The following SPECC1L variants were observed in gnomAD, a reference collection of about 807,000 sequenced individuals.
The protein encoded by SPECC1L is sperm antigen with calponin homology and coiled-coil domains 1 like, also known as cytospin-A.
Under a neutral mutation model 116.8 loss-of-function variants are expected in SPECC1L, and 40 were observed. That is an observed-to-expected ratio of 0.34 (90% CI 0.27 to 0.45). The LOEUF (loss-of-function observed/expected upper bound fraction) is 0.45. Among genes scored for constraint, SPECC1L ranks in the 20% least tolerant of loss-of-function variants. The pLI, the probability that SPECC1L is intolerant of heterozygous loss-of-function variation, is 1.00. For synonymous variants in SPECC1L, 504 were observed against 500.6 expected (o/e 1.01, Z -0.09); for missense variants, 1,110 against 1,373.6 (o/e 0.81, Z 3.03).
In SPECC1L at chr22:24,414,629, C is replaced by A; in HGVS notation, c.*6C>A. On this transcript the variant is annotated 3_prime_UTR_variant, in exon 17 of 17. Transcript: ENST00000314328. ...ACAAGTACTTTGAGACCTGAGCATG[C>A]CGGGAGGAGCCGCCCCAATAGCGGG... The A allele has an allele frequency of 6.2e-7, 1 of 1,613,004 alleles. No individual in the cohort carries two copies. Among genetic ancestry groups the A allele is most frequent in the Non-Finnish European group, 8.5e-7 (1 of 1,179,452 alleles).
At chr22:24,360,204 G>T (rs978826581) in intron 11 of SPECC1L, among the ~76,000 whole-genome samples, 1 of 152,172 alleles carries the variant, frequency 6.6e-6, no homozygotes, top group African/African-American at 2.4e-5. Context: ...CCTGAAGAGG[G>T]ATAAACCAAC....
intron 3 of SPECC1L, among the ~76,000 whole-genome samples, chr22:24,304,812 T>C (rs1189855351): frequency 6.6e-6 from 1 of 152,248 alleles, no homozygotes; most frequent in Non-Finnish European, 1.5e-5. Flanking sequence ...ACTTGAAAGG[T>C]AAAATTTGAT....
chr22:24,318,937 T>G (rs1022430015), intron 4 of SPECC1L, among the ~76,000 whole-genome samples: 1 of 151,826 alleles, frequency 6.6e-6, no homozygotes, highest in Non-Finnish European at 1.5e-5. Context: ...AAAAAAGTTA[T>G]GCCATCTTTT....
intron 10 of SPECC1L, among the ~76,000 whole-genome samples, chr22:24,346,062 A>G (rs1191293865): frequency 6.6e-6 from 1 of 150,416 alleles, no homozygotes; most frequent in Admixed American, 6.7e-5. Context: ...GCTGGAGTGC[A>G]GTGGCGCGAT....
intron 2 of SPECC1L, among the ~76,000 whole-genome samples, chr22:24,301,978 G>A (rs1418127456): frequency 2.0e-5 from 3 of 151,892 alleles, no homozygotes; most frequent in African/African-American, 4.8e-5. Flanking sequence ...CCCGGGAGGC[G>A]GAGCTTGCAG....
At chr22:24,389,365 T>G (rs1279071561) in intron 14 of SPECC1L, among the ~76,000 whole-genome samples, 1 of 152,092 alleles carries the variant, frequency 6.6e-6, no homozygotes, top group African/African-American at 2.4e-5. Flanking sequence ...TCCACCCACC[T>G]CAACCCCCCA....
chr22:24,390,843 C>T (rs2042248068), intron 14 of SPECC1L, among the ~76,000 whole-genome samples: 1 of 73,760 alleles, frequency 1.4e-5, no homozygotes, highest in Non-Finnish European at 3.0e-5. Context: ...TCTTCTTGGG[C>T]CTGTGTTCCT....
intron 13 of SPECC1L, 138 bp downstream of exon 13, chr22:24,365,770 T>C: frequency 3.3e-6 from 3 of 921,490 alleles, no homozygotes; most frequent in Non-Finnish European, 5.1e-6. Flanking sequence ...ATCTTTCTTA[T>C]ATCCAGAATT....
chr22:24,311,213 A>G (rs549372358), intron 3 of SPECC1L, among the ~76,000 whole-genome samples: 1 of 152,352 alleles, frequency 6.6e-6, no homozygotes, highest in African/African-American at 2.4e-5. Flanking sequence ...AATTGTAACC[A>G]GAGAAGTGTG....
intron 2 of SPECC1L, among the ~76,000 whole-genome samples, chr22:24,297,591 A>G (rs1055610641): frequency 3.3e-5 from 5 of 152,340 alleles, no homozygotes; most frequent in Middle Eastern, 3.4e-3. Flanking sequence ...TGGAGAAAAT[A>G]TAAGTATTCA....
At chr22:24,380,321 C>G (rs748806201) in intron 14 of SPECC1L, among the ~76,000 whole-genome samples, 2 of 152,172 alleles carry the variant, frequency 1.3e-5, no homozygotes, top group African/African-American at 2.4e-5. Context: ...TTGGTTCTGT[C>G]CTTTGGTCTC....
chr22:24,299,036 C>G (rs2049323178), intron 2 of SPECC1L, among the ~76,000 whole-genome samples: 1 of 151,958 alleles, frequency 6.6e-6, no homozygotes. Context: ...AATGACATAC[C>G]CAAATGAAGA....
chr22:24,376,717 C>G (rs2041977836), intron 14 of SPECC1L, among the ~76,000 whole-genome samples: 1 of 152,082 alleles, frequency 6.6e-6, no homozygotes. Context: ...CCTGAAAAGT[C>G]TCAAGTTTTG....
intron 14 of SPECC1L, among the ~76,000 whole-genome samples, chr22:24,388,252 G>T (rs2042199112): frequency 9.0e-6 from 1 of 110,740 alleles, no homozygotes; most frequent in South Asian, 2.9e-4. Context: ...CCCACAACAG[G>T]CCCCTGTGTG....
At chr22:24,280,900 A>G (rs1328639577) in intron 2 of SPECC1L, among the ~76,000 whole-genome samples, 1 of 151,850 alleles carries the variant, frequency 6.6e-6, no homozygotes, top group African/African-American at 2.4e-5. Context: ...TAGTCTTTTG[A>G]TTTTTTTTCC....
intron 14 of SPECC1L, among the ~76,000 whole-genome samples, chr22:24,389,510 G>A (rs2042225037): frequency 6.7e-6 from 1 of 150,280 alleles, no homozygotes; most frequent in African/African-American, 2.4e-5. Flanking sequence ...GTTTGTGGGG[G>A]CTTTCGGGTT....
chr22:24,317,931 G>A (rs1457537052), intron 4 of SPECC1L, among the ~76,000 whole-genome samples: 321 of 146,680 alleles, frequency 2.2e-3, no homozygotes, highest in Non-Finnish European at 3.7e-3. Context: ...ATGGGCGGCC[G>A]GGCAGAGACG....
intron 14 of SPECC1L, among the ~76,000 whole-genome samples, chr22:24,411,312 C>G (rs921439176): frequency 6.6e-6 from 1 of 152,190 alleles, no homozygotes; most frequent in Non-Finnish European, 1.5e-5. Flanking sequence ...AGCCTAGGGT[C>G]CTCTCTTTGT....
At chr22:24,315,853 T>C (rs937485613) in intron 4 of SPECC1L, among the ~76,000 whole-genome samples, 8 of 152,240 alleles carry the variant, frequency 5.3e-5, no homozygotes, top group African/African-American at 1.9e-4. Flanking sequence ...AGATCTCTTT[T>C]TTGTCTTGCA....
Sources: gnomAD v4.1 joint callset for allele counts (sites outside exome capture counted in the v4.1 genomes callset) on GRCh38, gnomAD v4.1.1 for gene constraint, MANE v1.5 for transcripts, NCBI Gene and HGNC (gene_info 2026-07-23, HGNC 2026-07-21) for gene names.